Variants in STK31 observed in about 807,000 individuals in gnomAD.
STK31 encodes serine/threonine-protein kinase 31.
A neutral mutation model predicts 129.7 loss-of-function variants in STK31; 89 were observed. The observed-to-expected ratio is 0.69, with a 90% confidence interval of 0.58 to 0.82. The LOEUF is 0.82. Ranked by LOEUF, STK31 falls within the 40% of genes least tolerant of loss-of-function variation. STK31 has a pLI of 0.00. For synonymous variants in STK31, 448 were observed against 395.3 expected, an observed-to-expected ratio of 1.13 and a Z score of -1.58; for missense variants, 1,187 against 1,176.4, an observed-to-expected ratio of 1.01 and a Z score of -0.13.
Position 23,729,245 on chromosome 7 carries a change from A to G in STK31, c.479A>G (p.Asp160Gly). 1 of 1,591,594 alleles carries G rather than the reference A, an allele frequency of 6.3e-7. No homozygotes were observed. Among genetic ancestry groups the G allele is most frequent in the Non-Finnish European group, 8.5e-7 (1 of 1,172,848 alleles). The change falls in exon 6 of 24, where the codon GAT becomes GGT. Residue 160 changes from aspartate (D) to glycine (G), a missense_variant. Asp to Gly is a moderately conservative substitution (Grantham distance 94). This residue lies in a region of STK31 where 103 missense variants were observed against 110.4 expected (regional missense o/e 0.93). Transcript: ENST00000355870. The part of the protein sequence containing the change: ...IPSDQEVTQF[D>G]QGTTFLGSLI... ...TCTGATCAAGAAGTTACCCAGTTTGATCAGGCAAGTCACGTATTTTAAATA... is the reference window on the plus strand; with the variant it reads ...TCTGATCAAGAAGTTACCCAGTTTGGTCAGGCAAGTCACGTATTTTAAATA...
intron 11 of STK31, among the ~76,000 whole-genome samples, chr7:23,768,564 G>A (rs1036460624): frequency 2.0e-5 from 3 of 152,176 alleles, no homozygotes; most frequent in Non-Finnish European, 4.4e-5. Flanking sequence ...AGGGTGATTA[G>A]GGGTGGAGAG....
At chr7:23,767,751 A>G (rs895305540) in intron 11 of STK31, among the ~76,000 whole-genome samples, 4 of 152,198 alleles carry the variant, frequency 2.6e-5, no homozygotes, top group Admixed American at 1.3e-4. Flanking sequence ...GGGAGAGAGA[A>G]GAGCCTATGA....
intron 22 of STK31, among the ~76,000 whole-genome samples, chr7:23,795,696 C>T (rs570002680): frequency 8.3e-4 from 127 of 152,280 alleles, no homozygotes; most frequent in African/African-American, 2.9e-3. Context: ...CAGAGCTGCC[C>T]AAGGCTGTGG....
At position 23,771,164 on chromosome 7, in the gene STK31, G is replaced by T. The variant is rs181921969; in HGVS notation, c.1833+40G>T. ...TCTCTTATTGATCTTATAAATTGAT[G>T]ATTTGAATTTTTCAGTACTTAAATT... is the stretch of plus-strand genomic sequence containing the variant. On this transcript the variant is annotated intron_variant, in intron 14 of 23. Coordinates refer to ENST00000355870, the MANE Select transcript of STK31 (RefSeq NM_031414.5). 535 of 1,487,664 alleles carry T rather than the reference G, an allele frequency of 3.6e-4. 1 individual carries two copies. In the African/African-American group the frequency reaches 6.9e-3, roughly 19 times the overall value. 92.2% of individuals were successfully genotyped at this position (1,487,664 alleles called of 1,614,324 possible).
In STK31 at chr7:23,714,064, T is replaced by G. The variant is rs142717920; in HGVS notation, c.150+1778T>G. Among the ~76,000 whole-genome samples the G allele has an allele frequency of 4.0e-3, 612 of 152,228 alleles. 6 individuals are homozygous for G. The highest frequency in any genetic ancestry group is 0.014 in the African/African-American group (594 of 41,544). On this transcript the variant is annotated intron_variant, in intron 3 of 23. Coordinates refer to ENST00000355870, the MANE Select transcript of STK31 (RefSeq NM_031414.5). ...TAGGACTACACTAGGCAATAGGAAT[T>G]TTTCAGCTTCATTATAATCTTACGG...
chr7:23,795,923 A>G (rs935160479), intron 22 of STK31, among the ~76,000 whole-genome samples: 2 of 152,242 alleles, frequency 1.3e-5, no homozygotes, highest in African/African-American at 2.4e-5. Flanking sequence ...TGTTGATTTT[A>G]CAGGCTCATA....
intron 22 of STK31, among the ~76,000 whole-genome samples, chr7:23,812,132 A>G (rs1391881489): frequency 6.6e-6 from 1 of 152,156 alleles, no homozygotes; most frequent in African/African-American, 2.4e-5. Context: ...GATTGTGTCT[A>G]GTGACAAATT....
intron 15 of STK31, among the ~76,000 whole-genome samples, chr7:23,779,879 G>A (rs1182720792): frequency 6.6e-6 from 1 of 152,166 alleles, no homozygotes; most frequent in Non-Finnish European, 1.5e-5. Context: ...GGTGCAAGGG[G>A]GGTATGAATA....
intron 23 of STK31, among the ~76,000 whole-genome samples, chr7:23,820,743 T>C (rs1367720906): frequency 6.6e-6 from 1 of 152,226 alleles, no homozygotes; most frequent in Non-Finnish European, 1.5e-5. Flanking sequence ...TCAACTGTTA[T>C]AGCTCCGACA....
intron 21 of STK31, among the ~76,000 whole-genome samples, chr7:23,788,990 T>C (rs921792199): frequency 6.6e-6 from 1 of 152,156 alleles, no homozygotes; most frequent in Non-Finnish European, 1.5e-5. Context: ...GCCTGGAAAC[T>C]ACGAATACAC....
chr7:23,797,109 A>T (rs992450795), intron 22 of STK31, among the ~76,000 whole-genome samples: 1 of 152,226 alleles, frequency 6.6e-6, no homozygotes, highest in Non-Finnish European at 1.5e-5. Context: ...ACCAAGATTC[A>T]TAAAGCAAGA....
chr7:23,710,401 G>C, intron 1 of STK31, 66 bp downstream of exon 1: 1 of 1,610,506 alleles, frequency 6.2e-7, no homozygotes, highest in Non-Finnish European at 8.5e-7. Context: ...GTCGCTGCTT[G>C]CGTTTTAAGT....
intron 13 of STK31, among the ~76,000 whole-genome samples, chr7:23,770,780 T>A (rs1025810520): frequency 2.6e-5 from 4 of 151,630 alleles, no homozygotes; most frequent in Non-Finnish European, 1.5e-5. Context: ...TAATTAAAAA[T>A]TTTTTTTTAG....
intron 8 of STK31, among the ~76,000 whole-genome samples, chr7:23,746,151 A>G (rs1237792038): frequency 6.6e-6 from 1 of 152,142 alleles, no homozygotes; most frequent in African/African-American, 2.4e-5. Context: ...AGCATGCTGT[A>G]GTTGCTTAGG....
chr7:23,743,789 G>A (rs1168534303), intron 8 of STK31, among the ~76,000 whole-genome samples: 1 of 151,746 alleles, frequency 6.6e-6, no homozygotes, highest in East Asian at 1.9e-4. Context: ...GCAGTGTGGT[G>A]TCTCATATGT....
At chr7:23,808,817 TA>T (rs67482279) in intron 22 of STK31, among the ~76,000 whole-genome samples, 15,127 of 152,086 alleles carry the variant, frequency 0.099, 962 homozygotes, top group South Asian at 0.13. Context: ...ACGGATGGGA[TA>T]GGGGGCAGTT....
At chr7:23,792,879 C>T (rs1398020422) in intron 22 of STK31, among the ~76,000 whole-genome samples, 1 of 152,120 alleles carries the variant, frequency 6.6e-6, no homozygotes, top group East Asian at 1.9e-4. Context: ...TAGAAATTAG[C>T]TGGGTGTAAT....
chr7:23,769,713 A>G lies in STK31; in HGVS notation c.1670A>G (p.Lys557Arg), dbSNP rs948850614. The G allele has an allele frequency of 4.3e-6, 7 of 1,610,600 alleles. No individual in the cohort carries two copies. Among genetic ancestry groups the G allele is most frequent in the Admixed American group, 1.7e-5 (1 of 59,818 alleles). Residue 557 changes from lysine to arginine, a missense_variant, in exon 13 of 24, where the codon AAG becomes AGG. Coordinates refer to ENST00000355870, the MANE Select transcript of STK31 (RefSeq NM_031414.5). The stretch of plus-strand genomic sequence containing the variant: ...GATAATATTGATGAAATCCTAGAGA[A>G]GACTGAGTCAAGTGTCTGCAAAGAG... ...AMDNIDEILEKTESSVCKELE... is the reference protein window; with the variant it reads ...AMDNIDEILERTESSVCKELE...
intron 8 of STK31, among the ~76,000 whole-genome samples, chr7:23,743,802 T>C (rs1416301763): frequency 1.3e-5 from 2 of 152,084 alleles, no homozygotes; most frequent in Non-Finnish European, 2.9e-5. Flanking sequence ...TCATATGTCT[T>C]GTAGGCTTTT....
Sources: allele counts gnomAD v4.1 joint callset (sites outside exome capture counted in the v4.1 genomes callset), GRCh38; gene constraint gnomAD v4.1.1; regional missense constraint gnomAD v4.1.1; transcripts MANE v1.5; gene names NCBI Gene and HGNC (gene_info 2026-07-23, HGNC 2026-07-21).